The following TENM3 variants were observed in gnomAD, a reference collection of about 807,000 sequenced individuals.
TENM3 encodes teneurin-3.
In TENM3, 63 loss-of-function variants were observed where a neutral mutation model predicts 255.1. The ratio of observed to expected loss-of-function variants is 0.25; its 90% confidence interval spans 0.20 to 0.30. TENM3 has a LOEUF of 0.30. Among genes scored for constraint, TENM3 ranks in the 10% least tolerant of loss-of-function variants. The pLI is 1.00. For synonymous variants in TENM3, 1,306 were observed against 1,322.3 expected, an observed-to-expected ratio of 0.99 and a Z score of 0.27; for missense variants, 2,929 against 3,461.1, an observed-to-expected ratio of 0.85 and a Z score of 3.86.
the TENM3 span, among the ~76,000 whole-genome samples, chr4:181,973,293 G>A: frequency 6.6e-6 from 1 of 152,142 alleles, no homozygotes; most frequent in Non-Finnish European, 1.5e-5. Context: ...AACAAAGGAT[G>A]AAGATTCTAC....
the TENM3 span, among the ~76,000 whole-genome samples, chr4:181,669,645 G>A: frequency 3.3e-5 from 5 of 152,108 alleles, no homozygotes; most frequent in Admixed American, 6.5e-5. Context: ...TACCCCCAGC[G>A]TATCAGCACA....
chr4:182,402,892 A>G (rs1017630006), intron 3 of TENM3, among the ~76,000 whole-genome samples: 1 of 152,194 alleles, frequency 6.6e-6, no homozygotes, highest in Admixed American at 6.5e-5. Flanking sequence ...GAATGAAAGG[A>G]TGTTTTTGTT....
chr4:182,642,487 A>G (rs1752401337), intron 5 of TENM3, among the ~76,000 whole-genome samples: 3 of 152,240 alleles, frequency 2.0e-5, no homozygotes, highest in African/African-American at 7.2e-5. Context: ...TATCATTTAT[A>G]AAAGAATATG....
the TENM3 span, among the ~76,000 whole-genome samples, chr4:181,869,219 T>A: frequency 2.6e-5 from 4 of 152,200 alleles, no homozygotes; most frequent in South Asian, 2.1e-4. Context: ...AATTATCTGT[T>A]ACCCAGAAGA....
the TENM3 span, among the ~76,000 whole-genome samples, chr4:181,923,684 AG>A: frequency 6.6e-6 from 1 of 152,210 alleles, no homozygotes; most frequent in Non-Finnish European, 1.5e-5. Flanking sequence ...AAGTGAATAA[AG>A]ACAGGAAAGG....
chr4:182,124,824 TAAAC>T, the TENM3 span, among the ~76,000 whole-genome samples: 1 of 152,356 alleles, frequency 6.6e-6, no homozygotes, highest in Non-Finnish European at 1.5e-5. Flanking sequence ...GTTCCAGAAA[TAAAC>T]AGTTCATGAG....
the TENM3 span, among the ~76,000 whole-genome samples, chr4:181,916,675 G>A: frequency 6.6e-5 from 10 of 152,178 alleles, no homozygotes; most frequent in East Asian, 1.9e-4. Flanking sequence ...TCAGGAGATC[G>A]AGACCACCCT....
At chr4:182,143,853 C>A (rs1218984651), upstream of TENM3, 1 of 152,512 alleles carries the variant, frequency 6.6e-6, no homozygotes. This position sits in a 1 kb window ranked among gnomAD's most constrained non-coding sequence, Gnocchi z 4.3. Context: ...CCCTAAATCA[C>A]GGCGAGAGTA....
the TENM3 span, among the ~76,000 whole-genome samples, chr4:181,888,494 G>GTATATATATGTATATATATATATATATA: frequency 9.6e-4 from 27 of 28,194 alleles, no homozygotes; most frequent in Admixed American, 1.5e-3. Flanking sequence ...ATAGAAATGT[G>GTATATATATGTATATATATATATATATA]TATATATATA....
chr4:182,197,874 G>A (rs1258952137), intron 1 of TENM3, among the ~76,000 whole-genome samples: 2 of 152,200 alleles, frequency 1.3e-5, no homozygotes, highest in Non-Finnish European at 1.5e-5. Context: ...GGAGGCCGAG[G>A]CGGTCGGATC....
chr4:181,512,085 A>G, the TENM3 span, among the ~76,000 whole-genome samples: 23,187 of 151,944 alleles, frequency 0.15, 2,175 homozygotes, highest in South Asian at 0.28. Flanking sequence ...CGCCTTCTTC[A>G]TTGCTCACTA....
chr4:182,547,264 A>G (rs939100470), intron 3 of TENM3, among the ~76,000 whole-genome samples: 3 of 152,196 alleles, frequency 2.0e-5, no homozygotes, highest in Non-Finnish European at 4.4e-5. Context: ...GTAAATAGAA[A>G]GTAGAGTATA....
the TENM3 span, among the ~76,000 whole-genome samples, chr4:181,749,760 C>G: frequency 2.6e-5 from 4 of 152,090 alleles, no homozygotes; most frequent in Admixed American, 1.3e-4. Context: ...AATTTTGTCT[C>G]TTTAAATTAA....
chr4:182,761,634 A>C (rs781412236), intron 22 of TENM3, among the ~76,000 whole-genome samples: 3 of 152,120 alleles, frequency 2.0e-5, no homozygotes, highest in Non-Finnish European at 4.4e-5. Flanking sequence ...ACACACATAT[A>C]TATCTTAAAA....
chr4:181,553,493 G>C, the TENM3 span, among the ~76,000 whole-genome samples: 64 of 151,946 alleles, frequency 4.2e-4, 1 homozygote, highest in Non-Finnish European at 5.9e-5. Context: ...CCAGGCTGGA[G>C]TGCAGGGGCG....
intron 3 of TENM3, among the ~76,000 whole-genome samples, chr4:182,542,742 T>G (rs1041948039): frequency 2.0e-5 from 3 of 152,206 alleles, no homozygotes; most frequent in African/African-American, 7.2e-5. Context: ...ATACTTTACT[T>G]TCTTACAAAG....
At chr4:182,484,978 TAGAA>T (rs1561496272) in intron 3 of TENM3, among the ~76,000 whole-genome samples, 2 of 152,166 alleles carry the variant, frequency 1.3e-5, no homozygotes, top group Admixed American at 6.5e-5. Flanking sequence ...CATTTTAACT[TAGAA>T]AGATACATAG....
intron 3 of TENM3, among the ~76,000 whole-genome samples, chr4:182,406,252 C>T (rs543963332): frequency 5.1e-4 from 78 of 152,088 alleles, no homozygotes; most frequent in African/African-American, 1.7e-3. Flanking sequence ...TTGCAGTGAG[C>T]CAAGATTGCG....
chr4:181,641,814 A>G, the TENM3 span, among the ~76,000 whole-genome samples: 2 of 105,964 alleles, frequency 1.9e-5, no homozygotes, highest in African/African-American at 3.9e-5. Context: ...CCATATATAT[A>G]TATATATATA....
Sources: gnomAD v4.1 joint callset for allele counts (sites outside exome capture counted in the v4.1 genomes callset) on GRCh38, gnomAD v4.1.1 for gene constraint, Gnocchi (gnomAD v3.1) non-coding constraint, MANE v1.5 for transcripts, NCBI Gene and HGNC (gene_info 2026-07-23, HGNC 2026-07-21) for gene names.